ARID5A: variants seen among roughly 807,000 people sequenced by gnomAD.
ARID5A encodes the protein AT-rich interaction domain 5A.
In ARID5A, 14 loss-of-function variants were observed where a neutral mutation model predicts 30.5. The observed-to-expected ratio is 0.46, with a 90% confidence interval of 0.30 to 0.72. ARID5A has a LOEUF of 0.72. Among genes scored for constraint, ARID5A ranks in the 30% least tolerant of loss-of-function variants. ARID5A has a pLI of 0.07. For synonymous variants in ARID5A, 338 were observed against 340.4 expected (o/e 0.99, Z 0.08); for missense variants, 669 against 786.2 (o/e 0.85, Z 1.78).
chr2:96,548,560 G>A lies in ARID5A; in HGVS notation c.121-761G>A, dbSNP rs1333459509. On this transcript the variant is annotated intron_variant, in intron 2 of 6. Transcript: ENST00000357485. ...GCTGGGATTACAGGAGTGAGCCACC[G>A]TGCCCAGCTGGATCAAATATTTTTG... Among the ~76,000 whole-genome samples, 8 of 152,296 alleles carry A rather than the reference G, an allele frequency of 5.3e-5. No individual in the cohort carries two copies. The East Asian group carries it at 9.6e-4, about 18-fold the overall frequency.
Position 96,539,743 on chromosome 2 carries a change from G to A in ARID5A, c.4+2913G>A, listed in dbSNP as rs1163587276. 6.9e-6 allele frequency among the ~76,000 whole-genome samples: 1 copy of A among 144,016 alleles called. No individual in the cohort carries two copies. Among genetic ancestry groups the A allele is most frequent in the Non-Finnish European group, 1.5e-5 (1 of 67,178 alleles). 94.5% of individuals were successfully genotyped at this position (144,016 alleles called of 152,430 possible). A position where few individuals can be genotyped will look rare whatever the true frequency, so the allele number is the denominator to read the frequency against. On this transcript the variant is annotated intron_variant, in intron 1 of 6. Transcript: ENST00000357485. The surrounding 1 kb of genome is among the most constrained non-coding windows in gnomAD (Gnocchi z 4.7). ...CGGCCCTCCCCCTCTCCCCGCTGCT[G>A]CCCAGCTCTCTGACCAGCCCCCTCC...
chr2:96,544,513 A>G (rs2065894310), intron 1 of ARID5A, among the ~76,000 whole-genome samples: 2 of 152,244 alleles, frequency 1.3e-5, no homozygotes, highest in South Asian at 4.1e-4. Flanking sequence ...TGTTCTAAAA[A>G]TGAAATAACA....
chr2:96,538,432 C>A, intron 1 of ARID5A: 1 of 699,598 alleles, frequency 1.4e-6, no homozygotes, highest in Non-Finnish European at 1.8e-6. Context: ...CCTCAGCTGC[C>A]CCCAGACCCT....
Position 96,552,464 on chromosome 2 carries a change from C to T in ARID5A, c.*151C>T. Reference sequence around the variant, plus strand: ...AGCCTGGCACAAGTGAAGAAGAAGGCAGTGGGAAAACTGGGTTTATCTCAA... The same window carrying T: ...AGCCTGGCACAAGTGAAGAAGAAGGTAGTGGGAAAACTGGGTTTATCTCAA... On this transcript the variant is annotated 3_prime_UTR_variant, in exon 7 of 7. Transcript: ENST00000357485. 1 of 1,541,814 alleles carries T rather than the reference C, an allele frequency of 6.5e-7. No individual in the cohort carries two copies. The highest frequency in any genetic ancestry group is 8.7e-7 in the Non-Finnish European group (1 of 1,147,510).
At chr2:96,540,164 G>C in intron 1 of ARID5A, among the ~76,000 whole-genome samples, 1 of 152,226 alleles carries the variant, frequency 6.6e-6, no homozygotes, top group South Asian at 2.1e-4. Flanking sequence ...TGAGTCGGTG[G>C]AGCATGTAAC....
At chr2:96,544,648 C>T (rs538633439) in intron 1 of ARID5A, among the ~76,000 whole-genome samples, 2 of 152,294 alleles carry the variant, frequency 1.3e-5, no homozygotes, top group South Asian at 2.1e-4. Flanking sequence ...ACAAGGCAAC[C>T]GGTCATGCAA....
Position 96,547,467 on chromosome 2 carries a change from C to G in ARID5A, c.70C>G (p.Pro24Ala), listed in dbSNP as rs781775136. 1.9e-6 allele frequency: 3 copies of G among 1,613,938 alleles called. No homozygotes were observed. The highest frequency in any genetic ancestry group is 1.7e-6 in the Non-Finnish European group (2 of 1,180,034). Residue 24 changes from proline (P) to alanine (A), a missense_variant, in exon 2 of 7, where the codon CCC (proline) becomes GCC (alanine). By Grantham distance (27) the Pro-to-Ala change is conservative. Transcript: ENST00000357485. ...TGACGCCCTAGACCCACCTGCATCC[C>G]CCAAACCTGCTGGCAAGCAGAACGG... ...EGDALDPPAS[P>A]KPAGKQNGIQ...
intron 2 of ARID5A, 107 bp downstream of exon 2, chr2:96,547,624 A>G (rs2065952171): frequency 9.7e-7 from 1 of 1,025,996 alleles, no homozygotes; most frequent in African/African-American, 1.6e-5. Flanking sequence ...CAGGAGGGAG[A>G]TATGTTCCTA....
intron 1 of ARID5A, among the ~76,000 whole-genome samples, chr2:96,544,809 T>C (rs982796606): frequency 6.6e-6 from 1 of 152,240 alleles, no homozygotes; most frequent in Non-Finnish European, 1.5e-5. Context: ...CTGCCATAGA[T>C]AGTGATTCCT....
chr2:96,543,911 A>G (rs2065884613), intron 1 of ARID5A, among the ~76,000 whole-genome samples: 1 of 152,234 alleles, frequency 6.6e-6, no homozygotes, highest in Non-Finnish European at 1.5e-5. Flanking sequence ...ATGCCAAGGA[A>G]AAGTTATTGA....
chr2:96,539,501 C>T lies in ARID5A; in HGVS notation c.4+2671C>T, dbSNP rs1349774183. ...CTTTGCATACCTGCCTTTGCTTCGC[C>T]AGGTTGGTTGGGCCCTGGCCAGAGC... On this transcript the variant is annotated intron_variant, in intron 1 of 6. Coordinates refer to ENST00000357485, the MANE Select transcript of ARID5A (RefSeq NM_212481.3). The surrounding 1 kb of genome is among the most constrained non-coding windows in gnomAD (Gnocchi z 4.7). Among the ~76,000 whole-genome samples the T allele has an allele frequency of 6.6e-6, 1 of 152,250 alleles. No homozygotes were observed. Among genetic ancestry groups the T allele is most frequent in the Non-Finnish European group, 1.5e-5 (1 of 68,040 alleles).
chr2:96,547,010 G>A (rs1331629273), intron 1 of ARID5A, among the ~76,000 whole-genome samples: 1 of 152,122 alleles, frequency 6.6e-6, no homozygotes, highest in Non-Finnish European at 1.5e-5. Context: ...AAAGATGTGG[G>A]GAGATAGTTG....
chr2:96,551,335 G>A lies in ARID5A; in HGVS notation c.807G>A (p.Lys269=), dbSNP rs762897811. The change falls in exon 7 of 7, where the codon AAG becomes AAA. Residue 269 remains lysine, a synonymous_variant. Transcript: ENST00000357485. The part of the protein sequence containing the change: ...AKKKLLAQVS[K]VEALQCQEEG... ...AGAAGCTCCTGGCCCAGGTGAGCAAGGTGGAGGCCTTGCAGTGCCAGGAGG... is the reference window on the plus strand; with the variant it reads ...AGAAGCTCCTGGCCCAGGTGAGCAAAGTGGAGGCCTTGCAGTGCCAGGAGG... 1.2e-6 allele frequency: 2 copies of A among 1,613,564 alleles called. No homozygotes were observed. The highest frequency in any genetic ancestry group is 1.7e-5 in the Admixed American group (1 of 60,020).
At chr2:96,538,290 G>T (rs1411296991) in intron 1 of ARID5A, 2 of 985,390 alleles carry the variant, frequency 2.0e-6, no homozygotes, top group Non-Finnish European at 2.4e-6. Context: ...TCCCATCCTG[G>T]AACTGGGGCT....
At chr2:96,547,689 T>G (rs781391777) in intron 2 of ARID5A, among the ~76,000 whole-genome samples, 172 bp downstream of exon 2, 6 of 152,174 alleles carry the variant, frequency 3.9e-5, no homozygotes, top group Non-Finnish European at 5.9e-5. Flanking sequence ...GCAGAGAGTT[T>G]CAATCTTGGT....
At chr2:96,551,063 G>A (rs2066029645) in intron 6 of ARID5A, 36 bp from the exon 7 acceptor site, 1 of 1,580,052 alleles carries the variant, frequency 6.3e-7, no homozygotes, top group Non-Finnish European at 8.6e-7. Flanking sequence ...ATGTGGGGCT[G>A]AGGCAGTCCT....
chr2:96,547,224 C>T (rs2065944682), intron 1 of ARID5A, among the ~76,000 whole-genome samples, 178 bp from the exon 2 acceptor site: 1 of 151,782 alleles, frequency 6.6e-6, no homozygotes, highest in African/African-American at 2.4e-5. Flanking sequence ...CTCCTGACCT[C>T]AGGTCATCGC....
chr2:96,550,629 A>C lies in ARID5A; in HGVS notation c.466A>C (p.Thr156Pro). ...LKGEDDKPLPTSKPRKQYKMA... is the reference protein window; with the variant it reads ...LKGEDDKPLPPSKPRKQYKMA... ...GGGGGAGGATGACAAGCCGCTGCCC[A>C]CCTCCAAGCCCAGGAAACAGTACAA... is the stretch of plus-strand genomic sequence containing the variant. Residue 156 changes from threonine to proline, a missense_variant, in exon 6 of 7, where the codon ACC becomes CCC. By Grantham distance (38) the Thr-to-Pro change is conservative. Around this residue, in one of 4 missense-constraint regions of ARID5A, gnomAD observed 548 missense variants for 577.4 expected, o/e 0.95. Transcript: ENST00000357485. This position sits in a 1 kb window ranked among gnomAD's most constrained non-coding sequence, Gnocchi z 6.6. 1 of 1,607,684 alleles carries C rather than the reference A, an allele frequency of 6.2e-7. No homozygotes were observed. The highest frequency in any genetic ancestry group is 8.5e-7 in the Non-Finnish European group (1 of 1,177,752).
intron 1 of ARID5A, among the ~76,000 whole-genome samples, chr2:96,541,195 C>G (rs56092602): frequency 0.34 from 51,462 of 151,710 alleles, 9,056 homozygotes; most frequent in African/African-American, 0.35. Context: ...GCGCCACCAC[C>G]CCCAGCTAAT....
Sources: allele counts gnomAD v4.1 joint callset (sites outside exome capture counted in the v4.1 genomes callset), GRCh38; gene constraint gnomAD v4.1.1; regional missense constraint gnomAD v4.1.1; non-coding constraint Gnocchi (gnomAD v3.1); transcripts MANE v1.5; gene names NCBI Gene and HGNC (gene_info 2026-07-23, HGNC 2026-07-21).